Variants in MFAP5 observed in about 807,000 individuals in gnomAD.
MFAP5 encodes the protein microfibril associated protein 5.
In MFAP5, 19 loss-of-function variants were observed where a neutral mutation model predicts 30.1. The ratio of observed to expected loss-of-function variants is 0.63; its 90% confidence interval spans 0.44 to 0.93. MFAP5 has a LOEUF of 0.93. Ranked by LOEUF, MFAP5 falls within the 40% of genes least tolerant of loss-of-function variation. MFAP5 has a pLI of 0.00. For synonymous variants in MFAP5, 92 were observed against 72.9 expected, an observed-to-expected ratio of 1.26 and a Z score of -1.33; for missense variants, 210 against 221.3, an observed-to-expected ratio of 0.95 and a Z score of 0.32.
Position 8,649,495 on chromosome 12 carries a change from T to A in MFAP5, c.409+6A>T. 5 of 1,612,956 alleles carry A rather than the reference T, an allele frequency of 3.1e-6. No homozygotes were observed. The highest frequency in any genetic ancestry group is 1.7e-5 in the Admixed American group (1 of 60,018). ...CTCTCCATTAAACATCCAGACATCA[T>A]CTTACCTTTCATAGCTTCGTGTTCC... On this transcript the variant is annotated splice_donor_region_variant and intron_variant, in intron 9 of 9. Coordinates refer to ENST00000359478, the MANE Select transcript of MFAP5 (RefSeq NM_003480.4).
rs1352770008 is a variant in MFAP5 at position 8,647,910 on chromosome 12, G to C, written c.*181C>G. 1.0e-5 allele frequency: 5 copies of C among 485,974 alleles called. No individual in the cohort carries two copies. Among genetic ancestry groups the C allele is most frequent in the East Asian group, 3.4e-5 (1 of 29,300 alleles). 30.1% of individuals were successfully genotyped at this position (485,974 alleles called of 1,614,324 possible). A position where few individuals can be genotyped will look rare whatever the true frequency, so the allele number is the denominator to read the frequency against. ...TATAGACTTTGTATTTTAAGTGCTA[G>C]AAAATGAGATAAATGTTATCAGTTT... is the stretch of plus-strand genomic sequence containing the variant. On this transcript the variant is annotated 3_prime_UTR_variant, in exon 10 of 10. Coordinates refer to ENST00000359478, the MANE Select transcript of MFAP5 (RefSeq NM_003480.4).
intron 9 of MFAP5, 115 bp downstream of exon 9, chr12:8,649,386 A>T: frequency 1.2e-6 from 1 of 853,814 alleles, no homozygotes; most frequent in South Asian, 1.5e-5. Context: ...ATGGACTCTA[A>T]GGGGGTAGCC....
At chr12:8,662,014 G>A (rs1942165109) in intron 2 of MFAP5, 33 bp downstream of exon 2, 1 of 1,601,600 alleles carries the variant, frequency 6.2e-7, no homozygotes, top group Non-Finnish European at 8.6e-7. Flanking sequence ...CTGAGGAGCT[G>A]AGGGTTTAGG....
chr12:8,660,177 C>G (rs111386353), intron 3 of MFAP5, among the ~76,000 whole-genome samples: 1 of 150,866 alleles, frequency 6.6e-6, no homozygotes, highest in Non-Finnish European at 1.5e-5. Context: ...ATTGACATGA[C>G]TTCTTTTTTT....
intron 3 of MFAP5, among the ~76,000 whole-genome samples, chr12:8,656,358 A>ATAT (rs1474676414): frequency 6.7e-6 from 1 of 149,498 alleles, no homozygotes; most frequent in Non-Finnish European, 1.5e-5. Context: ...CATAATTCTG[A>ATAT]TATAATTGGG....
chr12:8,650,273 A>G (rs1180279831), intron 8 of MFAP5: 2 of 518,786 alleles, frequency 3.9e-6, no homozygotes, highest in Non-Finnish European at 7.0e-6. Context: ...TTCTTCCTCC[A>G]GCGCCCACCT....
chr12:8,651,640 G>A (rs780174097), intron 7 of MFAP5, 22 bp downstream of exon 7: 3 of 1,612,930 alleles, frequency 1.9e-6, no homozygotes, highest in African/African-American at 1.3e-5. Context: ...GGCTTAAGAA[G>A]GCATGCAAGC....
rs973622373 is a variant in MFAP5 at position 8,659,766 on chromosome 12, A to G, written c.94+1097T>C. On this transcript the variant is annotated intron_variant, in intron 3 of 9. Coordinates refer to ENST00000359478, the MANE Select transcript of MFAP5 (RefSeq NM_003480.4). ...TATATACATATGGAAAACTAAGAGA[A>G]GTTTTATTAAAGTTGTATGAAATAA... Among the ~76,000 whole-genome samples the G allele has an allele frequency of 2.6e-5, 4 of 152,324 alleles. No homozygotes were observed. In the South Asian group the frequency reaches 8.3e-4, roughly 32 times the overall value.
At chr12:8,660,601 T>C (rs1942120219) in intron 3 of MFAP5, among the ~76,000 whole-genome samples, 2 of 152,142 alleles carry the variant, frequency 1.3e-5, no homozygotes, top group South Asian at 4.1e-4. Flanking sequence ...GAAATGGTCA[T>C]AGAGGATGTC....
At chr12:8,648,594 C>T (rs1189535519) in intron 9 of MFAP5, 10 of 1,176,978 alleles carry the variant, frequency 8.5e-6, no homozygotes, top group Admixed American at 2.4e-5. Context: ...ATTCAGTATA[C>T]ATTTACGTGC....
At chr12:8,650,239 A>C (rs994343848) in intron 8 of MFAP5, 12 of 439,070 alleles carry the variant, frequency 2.7e-5, no homozygotes, top group Non-Finnish European at 5.0e-5. Context: ...TAAATTGAGC[A>C]TGCCAGTATT....
In MFAP5 at chr12:8,646,406, A is replaced by G. The variant is rs1254361968; in HGVS notation, c.*1685T>C. On this transcript the variant is annotated 3_prime_UTR_variant, in exon 10 of 10. Coordinates refer to ENST00000359478, the MANE Select transcript of MFAP5 (RefSeq NM_003480.4). ...CTATTTGAATTCCATTGGCTTTTAT[A>G]GAAAGTTATTGAGTTAGTCAGACAG... The G allele has an allele frequency of 1.3e-5, 2 of 152,178 alleles. No individual in the cohort carries two copies. Among genetic ancestry groups the G allele is most frequent in the Admixed American group, 6.5e-5 (1 of 15,280 alleles). The allele number at this position is 152,178 out of a possible 1,614,324, so 9.4% of individuals were successfully genotyped here. A position where few individuals can be genotyped will look rare whatever the true frequency, so the allele number is the denominator to read the frequency against.
chr12:8,658,622 C>T (rs1942068634), intron 3 of MFAP5: 4 of 152,160 alleles, frequency 2.6e-5, no homozygotes. Flanking sequence ...TAGCTACATT[C>T]CAGTCCAGCC....
rs1941726674 is a variant in MFAP5, at chr12:8,647,932, G to T, written c.*159C>A. 3 of 528,772 alleles carry T rather than the reference G, an allele frequency of 5.7e-6. No homozygotes were observed. Among genetic ancestry groups the T allele is most frequent in the Non-Finnish European group, 1.0e-5 (3 of 293,532 alleles). The allele number at this position is 528,772 out of a possible 1,614,324, so 32.8% of individuals were successfully genotyped here. On this transcript the variant is annotated 3_prime_UTR_variant, in exon 10 of 10. Transcript: ENST00000359478. ...CTAGAAAATGAGATAAATGTTATCA[G>T]TTTGGGTGAAAAAGTAGAGAGTAGG...
chr12:8,654,355 G>A, intron 6 of MFAP5, 82 bp downstream of exon 6: 1 of 1,351,190 alleles, frequency 7.4e-7, no homozygotes, highest in Non-Finnish European at 1.0e-6. Context: ...GGATCCTTCA[G>A]CAGCTGCACA....
At chr12:8,648,255 C>A in intron 9 of MFAP5, 52 bp from the exon 10 acceptor site, 1 of 1,463,824 alleles carries the variant, frequency 6.8e-7, no homozygotes, top group East Asian at 2.3e-5. Context: ...ATAACAAAGG[C>A]TCTTGTTTTA....
intron 3 of MFAP5, among the ~76,000 whole-genome samples, chr12:8,657,429 G>T (rs1456077932): frequency 6.6e-6 from 1 of 151,610 alleles, no homozygotes; most frequent in African/African-American, 2.4e-5. Flanking sequence ...CAAAAAATAA[G>T]AATAAAATAA....
chr12:8,649,428 A>G (rs1941769839), intron 9 of MFAP5, 73 bp downstream of exon 9: 1 of 1,368,652 alleles, frequency 7.3e-7, no homozygotes, highest in Non-Finnish European at 1.0e-6. Flanking sequence ...GACTTTGGAT[A>G]TAGTAATATC....
intron 1 of MFAP5, 38 bp from the exon 2 acceptor site, chr12:8,662,144 C>T (rs748390790): frequency 6.4e-7 from 1 of 1,570,922 alleles, no homozygotes; most frequent in Non-Finnish European, 8.7e-7. Flanking sequence ...ATGTGATGCT[C>T]AGAGGCACAT....
Sources: allele counts gnomAD v4.1 joint callset (sites outside exome capture counted in the v4.1 genomes callset), GRCh38; gene constraint gnomAD v4.1.1; transcripts MANE v1.5; gene names NCBI Gene and HGNC (gene_info 2026-07-23, HGNC 2026-07-21).